Variants in LARP4B observed in about 807,000 individuals in gnomAD.
LARP4B encodes La ribonucleoprotein 4B.
Under a neutral mutation model 89.8 loss-of-function variants are expected in LARP4B, and 12 were observed. The ratio of observed to expected loss-of-function variants is 0.13; its 90% CI spans 0.09 to 0.22. LARP4B has a LOEUF of 0.22. LARP4B is among the 10% of genes least tolerant of loss of function. The probability of loss-of-function intolerance (pLI) is 1.00; values close to 1 mark genes in which losing one functional copy is unlikely to be tolerated. For synonymous variants in LARP4B, 367 were observed against 363.3 expected, an observed-to-expected ratio of 1.01 and a Z score of -0.12; for missense variants, 757 against 947.7, an observed-to-expected ratio of 0.80 and a Z score of 2.64.
At chr10:987,158 G>A in the LARP4B span, 1 of 152,210 alleles carries the variant, frequency 6.6e-6, no homozygotes, top group South Asian at 2.1e-4. Flanking sequence ...GAACTGTCCT[G>A]TGGTTTAGCA....
At chr10:914,376 G>A (rs74344356) in intron 1 of LARP4B, among the ~76,000 whole-genome samples, 1,791 of 152,118 alleles carry the variant, frequency 0.012, 31 homozygotes, top group African/African-American at 0.041. Context: ...AATGATAAGG[G>A]GGAAAGGAAA....
the LARP4B span, among the ~76,000 whole-genome samples, chr10:982,361 G>A: frequency 1.7e-4 from 26 of 152,120 alleles, no homozygotes; most frequent in Non-Finnish European, 2.5e-4. Context: ...AAAGTGCTGC[G>A]ATTACAGGCG....
chr10:934,816 C>T (rs187701046), upstream of LARP4B, among the ~76,000 whole-genome samples: 1 of 152,220 alleles, frequency 6.6e-6, no homozygotes, highest in African/African-American at 2.4e-5. Context: ...AAAACTCTTT[C>T]CTTCTCCCCG....
intron 1 of LARP4B, among the ~76,000 whole-genome samples, chr10:906,858 G>C (rs1023751123): frequency 6.6e-6 from 1 of 152,172 alleles, no homozygotes; most frequent in Non-Finnish European, 1.5e-5. Flanking sequence ...TCATGAAACT[G>C]TGCAGAAAAC....
intron 1 of LARP4B, among the ~76,000 whole-genome samples, chr10:886,266 G>C (rs1465590898): frequency 6.6e-6 from 1 of 152,190 alleles, no homozygotes; most frequent in Non-Finnish European, 1.5e-5. Flanking sequence ...AAACCACAAT[G>C]ATATTTCACC....
chr10:943,215 G>A, the LARP4B span, among the ~76,000 whole-genome samples: 4 of 152,074 alleles, frequency 2.6e-5, no homozygotes, highest in Non-Finnish European at 5.9e-5. Context: ...CCAAAGTGCT[G>A]GGATTACAGG....
chr10:915,644 A>C (rs1436615212), intron 1 of LARP4B, among the ~76,000 whole-genome samples: 2 of 151,970 alleles, frequency 1.3e-5, no homozygotes, highest in South Asian at 4.2e-4. Context: ...CTCTACTAAA[A>C]ATACAAACAA....
chr10:819,469 C>G (rs1302677840), intron 14 of LARP4B: 1 of 152,232 alleles, frequency 6.6e-6, no homozygotes, highest in Non-Finnish European at 1.5e-5. Flanking sequence ...ACAGAAAAAG[C>G]GTCTGGACCT....
chr10:948,779 T>C, the LARP4B span, among the ~76,000 whole-genome samples: 1 of 152,260 alleles, frequency 6.6e-6, no homozygotes, highest in African/African-American at 2.4e-5. Flanking sequence ...CTGGACTCCC[T>C]TCACCAGGGC....
In LARP4B at chr10:900,919, C is replaced by CTT. The variant is rs34586444; in HGVS notation, c.-39-15161_-39-15160dup. ...GGTGTGAGCCACCAGCGCCTGGCCT[C>CTT]TTTTTTTTTTTTTTTTTGAGACGGA... On this transcript the variant is annotated intron_variant, in intron 1 of 17. Coordinates refer to ENST00000316157, the MANE Select transcript of LARP4B (RefSeq NM_015155.3). 7.0e-4 allele frequency among the ~76,000 whole-genome samples: 71 copies of CTT among 101,208 alleles called. 1 individual carries two copies. Among genetic ancestry groups the CTT allele is most frequent in the Middle Eastern group, 0.01 (1 of 96 alleles). The allele number at this position is 101,208 out of a possible 152,430, so 66.4% of individuals were successfully genotyped here. A position where few individuals can be genotyped will look rare whatever the true frequency, so the allele number is the denominator to read the frequency against.
At chr10:839,437 C>T (rs1227211464) in intron 7 of LARP4B, among the ~76,000 whole-genome samples, 3 of 152,090 alleles carry the variant, frequency 2.0e-5, no homozygotes, top group Non-Finnish European at 4.4e-5. Flanking sequence ...AAGTCTACTT[C>T]TAAAGAAAGG....
intron 5 of LARP4B, among the ~76,000 whole-genome samples, chr10:855,922 C>T (rs2131803126): frequency 6.6e-6 from 1 of 152,342 alleles, no homozygotes; most frequent in East Asian, 1.9e-4. Context: ...TCCAGACCTA[C>T]GTGGACAAAC....
intron 1 of LARP4B, among the ~76,000 whole-genome samples, chr10:892,665 G>A (rs995012328): frequency 3.3e-5 from 5 of 150,990 alleles, no homozygotes; most frequent in Admixed American, 1.3e-4. Context: ...TCAGCCTCCC[G>A]AGTAGCTGGG....
At chr10:943,408 TG>T in the LARP4B span, among the ~76,000 whole-genome samples, 1 of 152,146 alleles carries the variant, frequency 6.6e-6, no homozygotes, top group East Asian at 1.9e-4. Flanking sequence ...GAGGATGACC[TG>T]GGGCCAGGGT....
At chr10:873,235 A>G in intron 3 of LARP4B, 3 of 985,404 alleles carry the variant, frequency 3.0e-6, no homozygotes, top group Non-Finnish European at 3.6e-6. Context: ...TCTGAGGAGA[A>G]GCCAACACCC....
intron 7 of LARP4B, 25 bp downstream of exon 7, chr10:842,907 T>C: frequency 6.2e-7 from 1 of 1,606,094 alleles, no homozygotes; most frequent in Non-Finnish European, 8.5e-7. Flanking sequence ...ACAAGTATTA[T>C]TAATTTAAAT....
At chr10:880,805 A>T (rs1835640722) in intron 3 of LARP4B, among the ~76,000 whole-genome samples, 1 of 152,228 alleles carries the variant, frequency 6.6e-6, no homozygotes, top group South Asian at 2.1e-4. Flanking sequence ...ATTAGAAAAG[A>T]CTTGCTGTGA....
intron 1 of LARP4B, among the ~76,000 whole-genome samples, chr10:896,975 C>A (rs574176056): frequency 1.9e-4 from 29 of 148,736 alleles, no homozygotes; most frequent in Admixed American, 7.4e-4. Context: ...TCAAAATTCA[C>A]TTTTGTGGGA....
At chr10:979,796 C>T in the LARP4B span, among the ~76,000 whole-genome samples, 76 of 152,208 alleles carry the variant, frequency 5.0e-4, no homozygotes, top group Non-Finnish European at 9.1e-4. Flanking sequence ...ATGGTGAAAC[C>T]CCGTCTCTAC....
Sources: gnomAD v4.1 joint callset for allele counts (sites outside exome capture counted in the v4.1 genomes callset) on GRCh38, gnomAD v4.1.1 for gene constraint, MANE v1.5 for transcripts, NCBI Gene and HGNC (gene_info 2026-07-23, HGNC 2026-07-21) for gene names.